The following ZNF718 variants were observed in gnomAD, a reference collection of about 807,000 sequenced individuals.
The protein encoded by ZNF718 is zinc finger protein 718.
In ZNF718, 3 loss-of-function variants were observed where a neutral mutation model predicts 2.6. The observed-to-expected ratio is 1.16, with a 90% CI of 0.53 to 3.01. The LOEUF (loss-of-function observed/expected upper bound fraction) is 3.01. Among genes scored for constraint, ZNF718 ranks in the 30% most tolerant of loss-of-function variants. ZNF718 has a pLI of 0.03. For synonymous variants in ZNF718, 135 were observed against 77.9 expected (o/e 1.73, Z -3.86); for missense variants, 468 against 230.0 (o/e 2.03, Z -6.69).
At chr4:196,671 C>A (rs893225317) in intron 3 of ZNF718, among the ~76,000 whole-genome samples, 11 of 152,052 alleles carry the variant, frequency 7.2e-5, no homozygotes, top group African/African-American at 2.4e-4. Flanking sequence ...GGGATGACAG[C>A]TTTCTGCCAC....
chr4:144,685 C>T (rs1036126742), intron 3 of ZNF718, among the ~76,000 whole-genome samples: 4 of 152,032 alleles, frequency 2.6e-5, no homozygotes, highest in African/African-American at 9.6e-5. Context: ...TTTCTTGCAT[C>T]GATGTTTTAT....
At chr4:168,541 G>A (rs192738528), downstream of ZNF718, among the ~76,000 whole-genome samples, 355 of 152,242 alleles carry the variant, frequency 2.3e-3, 2 homozygotes, top group African/African-American at 7.7e-3. Flanking sequence ...CCTGTTATTG[G>A]TCTATTCAGA....
At chr4:148,909 C>A (rs782166836) in intron 3 of ZNF718, among the ~76,000 whole-genome samples, 4 of 152,142 alleles carry the variant, frequency 2.6e-5, no homozygotes, top group Non-Finnish European at 5.9e-5. Context: ...GAGAATTATT[C>A]ATATTTCATT....
Position 129,870 on chromosome 4 carries a change from G to A in ZNF718, c.4-918G>A, listed in dbSNP as rs1388606636. ...TGGGAAGCATGGGACTACTTTTCAG[G>A]ATGTTATAGTATTAACACACATAAT... On this transcript the variant is annotated intron_variant, in intron 1 of 3. Coordinates refer to ENST00000510175, the MANE Select transcript of ZNF718 (RefSeq NM_001039127.6). Among the ~76,000 whole-genome samples the A allele has an allele frequency of 6.7e-5, 7 of 103,796 alleles. 2 individuals are homozygous for A. Among genetic ancestry groups the A allele is most frequent in the African/African-American group, 2.3e-4 (7 of 29,942 alleles). 68.1% of individuals were successfully genotyped at this position (103,796 alleles called of 152,430 possible).
chr4:190,810 G>C (rs1173346628), intron 3 of ZNF718, among the ~76,000 whole-genome samples: 1 of 152,082 alleles, frequency 6.6e-6, no homozygotes, highest in African/African-American at 2.4e-5. Flanking sequence ...GGAGGCTGGG[G>C]CGGGCAGATC....
intron 3 of ZNF718, among the ~76,000 whole-genome samples, chr4:175,028 C>T (rs1401020360): frequency 1.3e-5 from 2 of 152,162 alleles, no homozygotes; most frequent in Admixed American, 1.3e-4. Context: ...AGAACAGCCC[C>T]TCAATTACAT....
At chr4:158,982 A>G (rs1716699949) in intron 3 of ZNF718, among the ~76,000 whole-genome samples, 1 of 145,082 alleles carries the variant, frequency 6.9e-6, no homozygotes, top group Non-Finnish European at 1.5e-5. Context: ...CTTCATTTTT[A>G]GGACAGTTTT....
chr4:162,232 A>C lies in ZNF718; in HGVS notation c.*110A>C. On this transcript the variant is annotated 3_prime_UTR_variant, in exon 4 of 4. Transcript: ENST00000510175. ...AAAATTGACAAAGCTTTTAACCGCAACTCAATCTGTTCTAAACATAAGAGA... is the reference window on the plus strand; with the variant it reads ...AAAATTGACAAAGCTTTTAACCGCACCTCAATCTGTTCTAAACATAAGAGA... The C allele has an allele frequency of 1.7e-6, 1 of 580,314 alleles. No homozygotes were observed. The highest frequency in any genetic ancestry group is 3.1e-6 in the Non-Finnish European group (1 of 319,886). The allele number at this position is 580,314 out of a possible 1,614,324, so 35.9% of individuals were successfully genotyped here. A position where few individuals can be genotyped will look rare whatever the true frequency, so the allele number is the denominator to read the frequency against.
downstream of ZNF718, among the ~76,000 whole-genome samples, chr4:169,063 C>T (rs1170441436): frequency 1.3e-5 from 2 of 152,106 alleles, no homozygotes; most frequent in Non-Finnish European, 2.9e-5. Flanking sequence ...TCTTTGTTCT[C>T]ACTGGTTTCA....
intron 3 of ZNF718, among the ~76,000 whole-genome samples, chr4:177,575 C>T (rs1428511729): frequency 6.6e-6 from 1 of 152,150 alleles, no homozygotes; most frequent in African/African-American, 2.4e-5. Flanking sequence ...ACTAAATCTA[C>T]TAACCAGATT....
At chr4:159,213 T>A (rs112817923) in intron 3 of ZNF718, among the ~76,000 whole-genome samples, 1,932 of 152,044 alleles carry the variant, frequency 0.013, 48 homozygotes, top group African/African-American at 0.044. Context: ...TTTTTTTGTA[T>A]TTTTAGTAGA....
At chr4:192,537 G>A (rs1432106715) in intron 3 of ZNF718, among the ~76,000 whole-genome samples, 1 of 152,148 alleles carries the variant, frequency 6.6e-6, no homozygotes, top group East Asian at 1.9e-4. Context: ...AGCTAGTCCT[G>A]TCTCTCAGTC....
intron 1 of ZNF718, among the ~76,000 whole-genome samples, chr4:126,493 T>C (rs2108777673): frequency 6.6e-6 from 1 of 152,378 alleles, no homozygotes; most frequent in Non-Finnish European, 1.5e-5. Flanking sequence ...CCACAGTTTC[T>C]GTAGGAGGGT....
At chr4:185,281 G>A (rs1361400602) in intron 3 of ZNF718, among the ~76,000 whole-genome samples, 3 of 152,150 alleles carry the variant, frequency 2.0e-5, no homozygotes, top group Non-Finnish European at 2.9e-5. Flanking sequence ...TAAGGAGCAG[G>A]TTGTTCAATT....
intron 3 of ZNF718, among the ~76,000 whole-genome samples, chr4:146,074 C>T (rs1235087160): frequency 2.2e-5 from 2 of 91,658 alleles, no homozygotes; most frequent in Non-Finnish European, 4.4e-5. Context: ...GTGATATAGC[C>T]TTCTATATAT....
At chr4:137,050 A>C (rs1715599582) in intron 3 of ZNF718, among the ~76,000 whole-genome samples, 1 of 151,980 alleles carries the variant, frequency 6.6e-6, no homozygotes, top group Non-Finnish European at 1.5e-5. Context: ...TGTTCTCCTG[A>C]GATCTCATTT....
intron 3 of ZNF718, among the ~76,000 whole-genome samples, chr4:148,072 A>G (rs1474849094): frequency 6.6e-6 from 1 of 152,100 alleles, no homozygotes; most frequent in Non-Finnish European, 1.5e-5. Context: ...CACAGCTAAG[A>G]CTTCAGCTCT....
intron 3 of ZNF718, among the ~76,000 whole-genome samples, chr4:188,731 A>G (rs1161074044): frequency 2.0e-5 from 3 of 152,120 alleles, no homozygotes; most frequent in African/African-American, 7.2e-5. Context: ...TCCTAATACA[A>G]GGGTTGCAAA....
rs374273521 is a variant in ZNF718 at position 162,054 on chromosome 4, G to A, written c.1369G>A (p.Gly457Arg). 3.2e-5 allele frequency: 25 copies of A among 776,482 alleles called. No individual in the cohort carries two copies. Among genetic ancestry groups the A allele is most frequent in the East Asian group, 9.7e-5 (4 of 41,112 alleles). 48.1% of individuals were successfully genotyped at this position (776,482 alleles called of 1,614,324 possible). The change falls in exon 4 of 4, where the codon GGG becomes AGG. Residue 457 changes from glycine to arginine, a missense_variant. Transcript: ENST00000510175. ...TAAACCCTACAAATGTAAAGAATGC[G>A]GGAAAGCTTTTAAGCAGTACTCCAA... ...VDKPYKCKECGKAFKQYSNLP... is the reference protein window; with the variant it reads ...VDKPYKCKECRKAFKQYSNLP...
Sources: gnomAD v4.1 joint callset for allele counts (sites outside exome capture counted in the v4.1 genomes callset) on GRCh38, gnomAD v4.1.1 for gene constraint, MANE v1.5 for transcripts, NCBI Gene and HGNC (gene_info 2026-07-23, HGNC 2026-07-21) for gene names.